Variants in SARS1 observed in about 807,000 individuals in gnomAD.
The protein encoded by SARS1 is seryl-tRNA synthetase 1.
In SARS1, 25 loss-of-function variants were observed where a neutral mutation model predicts 63.7. The observed-to-expected ratio is 0.39, with a 90% CI of 0.29 to 0.55. SARS1 has a LOEUF of 0.55. Ranked by LOEUF, SARS1 falls within the 20% of genes least tolerant of loss-of-function variation. The pLI is 0.62. For missense variants in SARS1, 417 were observed against 649.7 expected (o/e 0.64, Z 3.89); for synonymous variants, 231 against 243.5 (o/e 0.95, Z 0.48).
chr1:109,230,787 G>A (rs1354234281), intron 4 of SARS1, 91 bp from the exon 5 acceptor site: 17 of 1,181,424 alleles, frequency 1.4e-5, no homozygotes, highest in East Asian at 6.0e-5. Context: ...CCTGGATGAC[G>A]GCGTAAGACC....
At chr1:109,224,857 G>C (rs1655030645) in intron 2 of SARS1, among the ~76,000 whole-genome samples, 1 of 152,086 alleles carries the variant, frequency 6.6e-6, no homozygotes, top group Admixed American at 6.5e-5. Flanking sequence ...AGCACTTTGG[G>C]AGCCAAAGTG....
intron 1 of SARS1, chr1:109,215,465 A>C (rs779067392): frequency 8.8e-5 from 87 of 985,246 alleles, no homozygotes; most frequent in Non-Finnish European, 1.0e-4. Context: ...CTTCAGGGAC[A>C]AGGATTCAAT....
At chr1:109,230,287 C>CA (rs1001590275) in intron 4 of SARS1, among the ~76,000 whole-genome samples, 65 of 151,716 alleles carry the variant, frequency 4.3e-4, no homozygotes, top group Middle Eastern at 3.4e-3. Context: ...AAGAAATAAA[C>CA]AAAAAAAACC....
chr1:109,235,902 G>A lies in SARS1; in HGVS notation c.970-75G>A, dbSNP rs1655297080. On this transcript the variant is annotated intron_variant, in intron 7 of 10. Transcript: ENST00000234677. This position sits in a 1 kb window ranked among gnomAD's most constrained non-coding sequence, Gnocchi z 4.7. ...AGTGGTGTGGAAACAGGTCTTCATG[G>A]CAAGGATGTCTCCCACTTCAGTCCT... 2 of 1,421,896 alleles carry A rather than the reference G, an allele frequency of 1.4e-6. No homozygotes were observed. Among genetic ancestry groups the A allele is most frequent in the African/African-American group, 2.8e-5 (2 of 70,466 alleles). 88.1% of individuals were successfully genotyped at this position (1,421,896 alleles called of 1,614,324 possible). A position where few individuals can be genotyped will look rare whatever the true frequency, so the allele number is the denominator to read the frequency against.
chr1:109,214,075 A>G lies in SARS1; in HGVS notation c.83A>G (p.Lys28Arg), dbSNP rs922326709. 7 of 1,614,050 alleles carry G rather than the reference A, an allele frequency of 4.3e-6. No individual in the cohort carries two copies. The highest frequency in any genetic ancestry group is 1.3e-5 in the African/African-American group (1 of 74,940). Residue 28 changes from lysine (K) to arginine (R), a missense_variant, in exon 1 of 11, where the codon AAG (lysine) becomes AGG (arginine). Physicochemically the swap from Lys to Arg is conservative, Grantham distance 26. Around this residue, in one of 3 missense-constraint regions of SARS1, gnomAD observed 359 missense variants for 529.6 expected, o/e 0.68. Coordinates refer to ENST00000234677, the MANE Select transcript of SARS1 (RefSeq NM_006513.4). This position sits in a 1 kb window ranked among gnomAD's most constrained non-coding sequence, Gnocchi z 4.6. ...LIRETQEKRF[K>R]DPGLVDQLVK... The stretch of plus-strand genomic sequence containing the variant: ...CGAGAGACGCAGGAGAAGCGCTTCA[A>G]GGACCCGGGACTAGTGGACCAGCTG...
intron 3 of SARS1, 116 bp from the exon 4 acceptor site, chr1:109,229,298 A>G: frequency 9.5e-7 from 1 of 1,049,286 alleles, no homozygotes; most frequent in Non-Finnish European, 1.4e-6. Context: ...CCAGTTTTTA[A>G]AATGCTACCA....
intron 6 of SARS1, among the ~76,000 whole-genome samples, chr1:109,232,312 T>G (rs990278954): frequency 2.6e-5 from 4 of 152,212 alleles, no homozygotes; most frequent in Non-Finnish European, 5.9e-5. Flanking sequence ...AAGTCAAGGT[T>G]CAGAAGGTCA....
chr1:109,228,309 T>G, intron 2 of SARS1, 43 bp from the exon 3 acceptor site: 1 of 1,380,046 alleles, frequency 7.2e-7, no homozygotes, highest in Non-Finnish European at 1.0e-6. Context: ...ATGCCAGAGA[T>G]TTTCTTTTAT....
rs1300012434 is a variant in SARS1 at position 109,228,375 on chromosome 1, T to C, written c.231T>C (p.Asp77=). 32 of 1,613,376 alleles carry C rather than the reference T, an allele frequency of 2.0e-5. No individual in the cohort carries two copies. The highest frequency in any genetic ancestry group is 2.6e-5 in the Non-Finnish European group (31 of 1,179,650). ...AGAAAAAAGAGCCAGTGGGAGATGA[T>C]GAGTCTGTCCCAGAGAATGTGCTGA... ...KMKKKEPVGD[D]ESVPENVLSF... The change falls in exon 3 of 11, where the codon GAT becomes GAC. Residue 77 remains aspartate, a synonymous_variant. Coordinates refer to ENST00000234677, the MANE Select transcript of SARS1 (RefSeq NM_006513.4).
At chr1:109,216,971 G>A in intron 1 of SARS1, 2 of 985,360 alleles carry the variant, frequency 2.0e-6, no homozygotes, top group Non-Finnish European at 2.4e-6. Context: ...TTTAAAACAG[G>A]TCCTTATCAT....
chr1:109,222,381 ATG>A (rs150626700), intron 1 of SARS1, among the ~76,000 whole-genome samples: 21 of 145,908 alleles, frequency 1.4e-4, no homozygotes, highest in African/African-American at 4.9e-4. Flanking sequence ...TTTTGCACAC[ATG>A]TGTGTGTGTA....
intron 3 of SARS1, 31 bp downstream of exon 3, chr1:109,228,463 C>G: frequency 6.8e-7 from 1 of 1,467,368 alleles, no homozygotes; most frequent in South Asian, 1.2e-5. Flanking sequence ...AAGTTAGGAT[C>G]TCTGCTATTT....
Position 109,231,079 on chromosome 1 carries a change from ATATAT to A in SARS1, c.591+60_591+64del. On this transcript the variant is annotated intron_variant, in intron 5 of 10. Transcript: ENST00000234677. Reference sequence around the variant, plus strand: ...TGAAAAAGAAACAAAATATATATATATATATTTTTTTTTTTTTTTGTAGAGAAACA... The same window carrying A: ...TGAAAAAGAAACAAAATATATATATATTTTTTTTTTTTTTGTAGAGAAACA... The A allele has an allele frequency of 7.2e-6, 7 of 976,210 alleles. No homozygotes were observed. The African/African-American group carries it at 8.1e-5, about 11-fold the overall frequency. The allele number at this position is 976,210 out of a possible 1,614,324, so 60.5% of individuals were successfully genotyped here. A position where few individuals can be genotyped will look rare whatever the true frequency, so the allele number is the denominator to read the frequency against.
In SARS1 at chr1:109,238,082, G is replaced by C; in HGVS notation, c.*194G>C. ...ATGGGCATAGGGACCCATCATTGAT[G>C]ACTGATGAAACCATGTAATAAAGCA... On this transcript the variant is annotated 3_prime_UTR_variant, in exon 11 of 11. Transcript: ENST00000234677. 1.6e-6 allele frequency: 1 copy of C among 628,002 alleles called. No homozygotes were observed. The highest frequency in any genetic ancestry group is 2.1e-5 in the South Asian group (1 of 47,494). The allele number at this position is 628,002 out of a possible 1,614,324, so 38.9% of individuals were successfully genotyped here.
At chr1:109,234,693 C>G (rs1655274952) in intron 6 of SARS1, among the ~76,000 whole-genome samples, 1 of 152,198 alleles carries the variant, frequency 6.6e-6, no homozygotes, top group Non-Finnish European at 1.5e-5. Flanking sequence ...TAGCTGGGCA[C>G]AGTGGCTCAC....
At chr1:109,229,617 GTC>G in intron 4 of SARS1, 45 bp downstream of exon 4, 1 of 1,588,806 alleles carries the variant, frequency 6.3e-7, no homozygotes, top group South Asian at 1.1e-5. Context: ...GGTCGCTGCT[GTC>G]TCTGCAGGGG....
intron 1 of SARS1, among the ~76,000 whole-genome samples, chr1:109,222,523 C>A (rs568429773): frequency 6.8e-4 from 103 of 152,168 alleles, no homozygotes; most frequent in Non-Finnish European, 1.2e-3. Flanking sequence ...CTCCATCTCA[C>A]CCCTAGCAAC....
At chr1:109,220,229 G>C (rs2101185791) in intron 1 of SARS1, among the ~76,000 whole-genome samples, 1 of 152,334 alleles carries the variant, frequency 6.6e-6, no homozygotes, top group East Asian at 1.9e-4. Flanking sequence ...TGTTGGGTAT[G>C]TACCAAGGAG....
intron 3 of SARS1, 95 bp from the exon 4 acceptor site, chr1:109,229,319 C>A: frequency 7.7e-7 from 1 of 1,297,550 alleles, no homozygotes; most frequent in Non-Finnish European, 1.1e-6. Context: ...CAAGGGCTAT[C>A]TTTAGAGCAC....
Sources: allele counts gnomAD v4.1 joint callset (sites outside exome capture counted in the v4.1 genomes callset), GRCh38; gene constraint gnomAD v4.1.1; regional missense constraint gnomAD v4.1.1; non-coding constraint Gnocchi (gnomAD v3.1); transcripts MANE v1.5; gene names NCBI Gene and HGNC (gene_info 2026-07-23, HGNC 2026-07-21).